TBC1D5: variants seen among roughly 807,000 people sequenced by gnomAD.
The protein encoded by TBC1D5 is TBC1 domain family member 5, also known as TBC1 domain family, member 5.
Under a neutral mutation model 100.3 loss-of-function variants are expected in TBC1D5, and 75 were observed. The ratio of observed to expected loss-of-function variants is 0.75; its 90% CI spans 0.62 to 0.91. TBC1D5 has a LOEUF of 0.91. Among genes scored for constraint, TBC1D5 ranks in the 40% least tolerant of loss-of-function variants. The pLI, the probability that TBC1D5 is intolerant of heterozygous loss-of-function variation, is 0.00. For synonymous variants in TBC1D5, 323 were observed against 325.6 expected (o/e 0.99, Z 0.09); for missense variants, 910 against 942.4 (o/e 0.97, Z 0.45).
chr3:17,705,922 G>C (rs992175394), intron 1 of TBC1D5: 16 of 1,025,696 alleles, frequency 1.6e-5, no homozygotes, highest in Non-Finnish European at 1.4e-6. Flanking sequence ...TCGGGCCCGC[G>C]GGGCCCGTCC....
chr3:17,374,504 A>G (rs1397279457), exon 12 of TBC1D5: 2 of 1,612,074 alleles, frequency 1.2e-6, no homozygotes, highest in African/African-American at 2.7e-5. Context: ...TTGAAAACCA[A>G]GGTTCAGCAG....
intron 7 of TBC1D5, among the ~76,000 whole-genome samples, chr3:17,404,084 G>A (rs1348898981): frequency 4.6e-5 from 7 of 151,992 alleles, no homozygotes; most frequent in African/African-American, 1.4e-4. Flanking sequence ...TTCTTATACC[G>A]AAGAGTCTAT....
At chr3:17,697,912 A>T (rs1175875490) in intron 1 of TBC1D5, among the ~76,000 whole-genome samples, 1 of 151,754 alleles carries the variant, frequency 6.6e-6, no homozygotes, top group African/African-American at 2.4e-5. Context: ...ACAGAGATAT[A>T]AACCAATGGA....
chr3:17,738,257 TG>T (rs1177794072), intron 1 of TBC1D5, among the ~76,000 whole-genome samples: 4 of 152,222 alleles, frequency 2.6e-5, no homozygotes, highest in African/African-American at 9.6e-5. Context: ...CCAAATAAAC[TG>T]TACAATCTCC....
rs527614479 is a variant in TBC1D5 at position 17,234,697 on chromosome 3, T to C, written c.1588+3466A>G. On this transcript the variant is annotated intron_variant, in intron 17 of 21. Transcript: ENST00000253692. Reference sequence around the variant, plus strand: ...CATTTTAAAAAAGCATCATATTTTCTATGCATGATCATTTATGATTAATTG... The same window carrying C: ...CATTTTAAAAAAGCATCATATTTTCCATGCATGATCATTTATGATTAATTG... Among the ~76,000 whole-genome samples the C allele has an allele frequency of 4.6e-5, 7 of 152,288 alleles. No homozygotes were observed. In the East Asian group the frequency reaches 1.3e-3, roughly 29 times the overall value.
chr3:17,714,403 A>C (rs191495059), intron 1 of TBC1D5, among the ~76,000 whole-genome samples: 1 of 152,320 alleles, frequency 6.6e-6, no homozygotes, highest in Non-Finnish European at 1.5e-5. Context: ...CATCATCAGA[A>C]AAAACTTGTG....
intron 3 of TBC1D5, among the ~76,000 whole-genome samples, chr3:17,489,245 A>G (rs1007635639): frequency 6.6e-6 from 1 of 151,510 alleles, no homozygotes; most frequent in Admixed American, 6.6e-5. Flanking sequence ...GCTATTTTTA[A>G]AATACCTAAT....
intron 17 of TBC1D5, among the ~76,000 whole-genome samples, chr3:17,215,710 A>G (rs1184965851): frequency 6.6e-6 from 1 of 152,164 alleles, no homozygotes; most frequent in African/African-American, 2.4e-5. Flanking sequence ...GGCCCCTTGG[A>G]AACGTTACAA....
At chr3:17,268,605 TC>T (rs1296536438) in intron 15 of TBC1D5, among the ~76,000 whole-genome samples, 1 of 152,090 alleles carries the variant, frequency 6.6e-6, no homozygotes, top group African/African-American at 2.4e-5. Flanking sequence ...TTTCAAGATA[TC>T]TTCATGAACT....
chr3:17,463,438 T>C (rs979424007), intron 3 of TBC1D5, among the ~76,000 whole-genome samples: 1 of 152,172 alleles, frequency 6.6e-6, no homozygotes, highest in Non-Finnish European at 1.5e-5. Flanking sequence ...AGTTTGCAAG[T>C]CAGTAGTCAA....
chr3:17,190,297 G>C (rs971127185), intron 18 of TBC1D5, among the ~76,000 whole-genome samples: 1 of 152,204 alleles, frequency 6.6e-6, no homozygotes, highest in Non-Finnish European at 1.5e-5. Context: ...TACAAGATAA[G>C]TTCTGTAGAA....
intron 18 of TBC1D5, among the ~76,000 whole-genome samples, chr3:17,204,945 A>G (rs541687266): frequency 6.6e-6 from 1 of 152,324 alleles, no homozygotes; most frequent in South Asian, 2.1e-4. Flanking sequence ...CTCTCTCACA[A>G]AGATATATAG....
At chr3:17,182,114 C>G (rs1327135905) in intron 19 of TBC1D5, among the ~76,000 whole-genome samples, 1 of 152,160 alleles carries the variant, frequency 6.6e-6, no homozygotes, top group African/African-American at 2.4e-5. Flanking sequence ...TGAATCTTTG[C>G]TTAGAATCAA....
rs565731866 is a variant in TBC1D5 at position 17,471,382 on chromosome 3, T to C, written c.97+37092A>G. The stretch of plus-strand genomic sequence containing the variant: ...ATATTCTATTCTTATTATGCTTAAA[T>C]AATTTTTAAAATGTTTGGATGAGCA... On this transcript the variant is annotated intron_variant, in intron 3 of 21. Coordinates refer to ENST00000253692, the Ensembl canonical transcript of TBC1D5. Among the ~76,000 whole-genome samples the C allele has an allele frequency of 3.3e-5, 5 of 152,340 alleles. No individual in the cohort carries two copies. The East Asian group carries it at 7.7e-4, about 23-fold the overall frequency.
intron 14 of TBC1D5, among the ~76,000 whole-genome samples, chr3:17,302,327 C>G (rs75253039): frequency 0.018 from 2,804 of 152,240 alleles, 84 homozygotes; most frequent in African/African-American, 0.064. Flanking sequence ...GTGCATGTCT[C>G]TTGCCAAATT....
chr3:17,333,454 C>A (rs1164183468), intron 13 of TBC1D5: 1 of 151,916 alleles, frequency 6.6e-6, no homozygotes, highest in Non-Finnish European at 1.5e-5. Flanking sequence ...GCATCCAATT[C>A]CCCAAAATAA....
chr3:17,678,645 GA>G, intron 1 of TBC1D5, among the ~76,000 whole-genome samples: 1 of 108,246 alleles, frequency 9.2e-6, no homozygotes, highest in East Asian at 2.3e-4. Context: ...CCAACTAAGA[GA>G]ACTGAGGGAA....
intron 1 of TBC1D5, among the ~76,000 whole-genome samples, chr3:17,636,467 A>T (rs2063938719): frequency 1.3e-5 from 2 of 152,112 alleles, no homozygotes; most frequent in Admixed American, 1.3e-4. Context: ...TCAACCAGTT[A>T]TTAAAATATG....
chr3:17,462,670 A>T (rs2095236607), intron 3 of TBC1D5, among the ~76,000 whole-genome samples: 1 of 152,076 alleles, frequency 6.6e-6, no homozygotes, highest in East Asian at 1.9e-4. Context: ...CTCTAAAGGT[A>T]AAAGGAAAGT....
Sources: allele counts gnomAD v4.1 joint callset (sites outside exome capture counted in the v4.1 genomes callset), GRCh38; gene constraint gnomAD v4.1.1; transcripts MANE v1.5; gene names NCBI Gene and HGNC (gene_info 2026-07-23, HGNC 2026-07-21).